The following CNTN1 variants were observed in gnomAD, a reference collection of about 807,000 sequenced individuals.
CNTN1 encodes the protein contactin-1.
In CNTN1, 38 loss-of-function variants were observed where a neutral mutation model predicts 126.4. The observed-to-expected ratio is 0.30, with a 90% CI of 0.23 to 0.39. The LOEUF (loss-of-function observed/expected upper bound fraction) is 0.39, where lower values mean the gene tolerates loss of function less well. CNTN1 is among the 10% of genes least tolerant of loss of function. CNTN1 has a pLI of 1.00. For missense variants in CNTN1, 1,009 were observed against 1,248.4 expected, an observed-to-expected ratio of 0.81 and a Z score of 2.89; for synonymous variants, 413 against 422.6, an observed-to-expected ratio of 0.98 and a Z score of 0.28.
chr12:40,926,286 CT>C (rs1393492571), intron 6 of CNTN1, among the ~76,000 whole-genome samples: 1 of 151,344 alleles, frequency 6.6e-6, no homozygotes, highest in Non-Finnish European at 1.5e-5. Context: ...AGGAGCATCA[CT>C]AGAAGGAAAG....
At chr12:40,795,024 C>G (rs1260259161) in intron 1 of CNTN1, among the ~76,000 whole-genome samples, 8 of 151,978 alleles carry the variant, frequency 5.3e-5, no homozygotes, top group Admixed American at 3.9e-4. Flanking sequence ...TATCTGCAAT[C>G]AGTTGATTTT....
intron 1 of CNTN1, among the ~76,000 whole-genome samples, chr12:40,693,449 C>A (rs904718080): frequency 2.6e-5 from 4 of 152,176 alleles, no homozygotes; most frequent in Non-Finnish European, 5.9e-5. Flanking sequence ...TGGCCCAGTG[C>A]CGGTTCCTGC....
intron 1 of CNTN1, among the ~76,000 whole-genome samples, chr12:40,712,711 T>C (rs1306025157): frequency 6.6e-6 from 1 of 152,190 alleles, no homozygotes; most frequent in Non-Finnish European, 1.5e-5. Flanking sequence ...CAATAGCTGA[T>C]TGATATAACT....
chr12:40,724,765 C>T (rs778782372), intron 1 of CNTN1, among the ~76,000 whole-genome samples: 4 of 152,150 alleles, frequency 2.6e-5, no homozygotes, highest in Non-Finnish European at 5.9e-5. Flanking sequence ...ATGCTGGTAT[C>T]GAAAATAAAC....
At chr12:41,018,696 A>ATGTGTG (rs150221206) in intron 19 of CNTN1, among the ~76,000 whole-genome samples, 20 of 149,882 alleles carry the variant, frequency 1.3e-4, no homozygotes, top group African/African-American at 2.7e-4. Flanking sequence ...ATTTTAATAT[A>ATGTGTG]TGTGTGTGTG....
At chr12:40,848,424 CTATG>C in intron 1 of CNTN1, among the ~76,000 whole-genome samples, 1 of 152,128 alleles carries the variant, frequency 6.6e-6, no homozygotes, top group South Asian at 2.1e-4. Context: ...GCTTTATTGA[CTATG>C]TAAGCTGTCA....
intron 1 of CNTN1, among the ~76,000 whole-genome samples, chr12:40,763,596 G>A (rs200915019): frequency 1.3e-5 from 2 of 152,068 alleles, no homozygotes; most frequent in East Asian, 3.9e-4. Flanking sequence ...ATGAAAGGAA[G>A]GTGAGGCTAA....
chr12:40,857,359 AATACCTCTTTTAG>A (rs1942949344), intron 1 of CNTN1, among the ~76,000 whole-genome samples: 1 of 152,154 alleles, frequency 6.6e-6, no homozygotes, highest in African/African-American at 2.4e-5. Flanking sequence ...ATGGGCAGGT[AATACCTCTTTTAG>A]TGGAAAAGAA....
chr12:40,977,908 T>TTC (rs1947723910), intron 15 of CNTN1, among the ~76,000 whole-genome samples: 2 of 152,080 alleles, frequency 1.3e-5, no homozygotes, highest in Admixed American at 1.3e-4. Context: ...GTTCAAGCAA[T>TTC]TCTCCTGTCT....
chr12:41,031,502 C>A (rs1193409467), intron 23 of CNTN1, among the ~76,000 whole-genome samples: 1 of 152,072 alleles, frequency 6.6e-6, no homozygotes, highest in Non-Finnish European at 1.5e-5. Context: ...TACATAAATT[C>A]TATTTTAATA....
chr12:40,861,366 T>C (rs1322123200), intron 1 of CNTN1, among the ~76,000 whole-genome samples: 2 of 152,130 alleles, frequency 1.3e-5, no homozygotes, highest in African/African-American at 4.8e-5. Context: ...AAAAAATACA[T>C]ACTCATGTTT....
At chr12:40,809,850 A>ACACACACACACAC (rs60077116) in intron 1 of CNTN1, among the ~76,000 whole-genome samples, 1 of 139,774 alleles carries the variant, frequency 7.2e-6, no homozygotes, top group Non-Finnish European at 1.5e-5. Flanking sequence ...ACACACACAC[A>ACACACACACACAC]AAAGTCAAAA....
intron 3 of CNTN1, among the ~76,000 whole-genome samples, chr12:40,918,037 A>G (rs1018717539): frequency 1.3e-5 from 2 of 152,176 alleles, no homozygotes; most frequent in African/African-American, 4.8e-5. Flanking sequence ...ACTCTTGTTC[A>G]AAAATCATTA....
intron 14 of CNTN1, among the ~76,000 whole-genome samples, chr12:40,950,759 A>G (rs1946643564): frequency 6.6e-6 from 1 of 152,036 alleles, no homozygotes; most frequent in South Asian, 2.1e-4. Flanking sequence ...GAAGGAAGGT[A>G]TCTATGTTCC....
At chr12:41,047,248 T>A (rs953716267) in intron 23 of CNTN1, among the ~76,000 whole-genome samples, 1 of 152,102 alleles carries the variant, frequency 6.6e-6, no homozygotes, top group African/African-American at 2.4e-5. Context: ...CGGATCCAGG[T>A]GCCCATTTTC....
At chr12:41,066,591 C>A in intron 23 of CNTN1, among the ~76,000 whole-genome samples, 1 of 152,016 alleles carries the variant, frequency 6.6e-6, no homozygotes, top group Non-Finnish European at 1.5e-5. Flanking sequence ...AAATGTGACA[C>A]CACAAAGAGA....
chr12:40,769,937 CAT>C (rs1408546923), intron 1 of CNTN1, among the ~76,000 whole-genome samples: 20 of 152,044 alleles, frequency 1.3e-4, no homozygotes, highest in Non-Finnish European at 1.5e-4. Context: ...AAACGGGAAA[CAT>C]ATGTAGAGAG....
chr12:40,826,641 C>T (rs1941621962), intron 1 of CNTN1, among the ~76,000 whole-genome samples: 1 of 152,134 alleles, frequency 6.6e-6, no homozygotes, highest in African/African-American at 2.4e-5. Context: ...GTCATCAGCA[C>T]CCCTACTACC....
chr12:40,707,221 CTTTTTCTTTTTTTTTTTTTTTTTT>C (rs1240605571), intron 1 of CNTN1, among the ~76,000 whole-genome samples: 5 of 119,450 alleles, frequency 4.2e-5, no homozygotes, highest in African/African-American at 1.8e-4. Context: ...CATTTCTTTT[CTTTTTCTTTTTTTTTTTTTTTTTT>C]TTTTTTTTTT....
Sources: allele counts gnomAD v4.1 joint callset (sites outside exome capture counted in the v4.1 genomes callset), GRCh38; gene constraint gnomAD v4.1.1; transcripts MANE v1.5; gene names NCBI Gene and HGNC (gene_info 2026-07-23, HGNC 2026-07-21).